The following PLOD3 variants were observed in gnomAD, a reference collection of about 807,000 sequenced individuals.
PLOD3 encodes the protein multifunctional procollagen lysine hydroxylase and glycosyltransferase LH3.
A neutral mutation model predicts 96.9 loss-of-function variants in PLOD3; 73 were observed. That is an observed-to-expected ratio of 0.75 (90% confidence interval 0.62 to 0.92). The LOEUF (loss-of-function observed/expected upper bound fraction) is 0.92. Among genes scored for constraint, PLOD3 ranks in the 40% least tolerant of loss-of-function variants. PLOD3 has a pLI of 0.00. For missense variants in PLOD3, 1,004 were observed against 1,004.3 expected, an observed-to-expected ratio of 1.00 and a Z score of 0.00; for synonymous variants, 454 against 413.7, an observed-to-expected ratio of 1.10 and a Z score of -1.18.
chr7:101,207,785 C>T, intron 16 of PLOD3, 61 bp from the exon 17 acceptor site: 2 of 1,589,260 alleles, frequency 1.3e-6, no homozygotes, highest in South Asian at 1.1e-5. Flanking sequence ...CACCCCAGGG[C>T]AGTCCAGCCT....
At position 101,211,921 on chromosome 7, in the gene PLOD3, T is replaced by G; in HGVS notation, c.1157A>C (p.Glu386Ala). The change falls in exon 11 of 19, where the codon GAG becomes GCG. Residue 386 changes from glutamate to alanine, a missense_variant. Physicochemically the swap from Glu to Ala is moderately radical, Grantham distance 107. This residue lies in a region of PLOD3 where 690 missense variants were observed against 650.2 expected (regional missense o/e 1.06). Transcript: ENST00000223127. ...MDLCRQDPEC[E>A]FYFSLDADAV... ...GTCGGCGTCCAGGCTGAAGTAGAAC[T>G]CACACTCGGGGTCCTGCCGACACAG... 6.2e-7 allele frequency: 1 copy of G among 1,609,686 alleles called. No homozygotes were observed.
At position 101,216,135 on chromosome 7, in the gene PLOD3, CCTCTGCCTTGGGCA is replaced by C. The variant is rs971756594; in HGVS notation, c.502+14_502+27del. The C allele has an allele frequency of 5.6e-6, 9 of 1,613,924 alleles. No individual in the cohort carries two copies. In the African/African-American group the frequency reaches 6.7e-5, roughly 12 times the overall value. ...ACTCTGTGTCCCACCGCTCTTGGCC[CCTCTGCCTTGGGCA>C]CTCTGCCACTCACCACCAGAATTGA... is the stretch of plus-strand genomic sequence containing the variant. On this transcript the variant is annotated intron_variant, in intron 4 of 18. Coordinates refer to ENST00000223127, the MANE Select transcript of PLOD3 (RefSeq NM_001084.5).
At position 101,206,423 on chromosome 7, in the gene PLOD3, C is replaced by T. The variant is rs371621231; in HGVS notation, c.2075G>A (p.Arg692His). ...GATCACACAGTCGTAGCGCAGGAAG[C>T]GGCAGCCACCTCCCTGGAAAGAGAA... is the stretch of plus-strand genomic sequence containing the variant. Reference protein sequence around the residue: ...KGLDYEGGGCRFLRYDCVISS... With the variant: ...KGLDYEGGGCHFLRYDCVISS... Residue 692 changes from arginine (R) to histidine (H), a missense_variant, in exon 19 of 19, where the codon CGC becomes CAC. By Grantham distance (29) the Arg-to-His change is conservative (BLOSUM62 0). Coordinates refer to ENST00000223127, the MANE Select transcript of PLOD3 (RefSeq NM_001084.5). 3.3e-5 allele frequency: 53 copies of T among 1,607,554 alleles called. No homozygotes were observed. Among genetic ancestry groups the T allele is most frequent in the Non-Finnish European group, 4.2e-5 (50 of 1,177,308 alleles).
chr7:101,215,052 C>G, intron 6 of PLOD3, 37 bp downstream of exon 6: 4 of 1,494,874 alleles, frequency 2.7e-6, no homozygotes, highest in Non-Finnish European at 2.8e-6. Context: ...GCTGCAGAGG[C>G]TGCGCATCGC....
chr7:101,208,747 CT>C (rs1481488020), intron 16 of PLOD3, 105 bp downstream of exon 16: 8 of 771,250 alleles, frequency 1.0e-5, no homozygotes, highest in Admixed American at 1.9e-5. Flanking sequence ...TGCCTCCCCC[CT>C]GGGAACCCCT....
rs973118117 is a variant in PLOD3 at position 101,212,552 on chromosome 7, A to G, written c.983T>C (p.Val328Ala). ...LLLLDYPPDR[V>A]TLFLHNNEVF... ...CACGTTGTTGTGCAGGAAAAGGGTG[A>G]CCCTGTCGGGGGGATAGTCCAGGAG... Residue 328 changes from valine to alanine, a missense_variant, in exon 9 of 19, where the codon GTC becomes GCC. Physicochemically the swap from Val to Ala is moderately conservative, Grantham distance 64 (BLOSUM62 0). Transcript: ENST00000223127. 14 of 1,612,872 alleles carry G rather than the reference A, an allele frequency of 8.7e-6. No individual in the cohort carries two copies. Among genetic ancestry groups the G allele is most frequent in the Non-Finnish European group, 5.1e-6 (6 of 1,179,676 alleles).
chr7:101,206,150 C>G lies in PLOD3; in HGVS notation c.*131G>C. 1 of 969,238 alleles carries G rather than the reference C, an allele frequency of 1.0e-6. No homozygotes were observed. 60.0% of individuals were successfully genotyped at this position (969,238 alleles called of 1,614,324 possible). On this transcript the variant is annotated 3_prime_UTR_variant, in exon 19 of 19. Transcript: ENST00000223127. ...TGTCTTGGGAGCAAGGTGACATATT[C>G]AGTTCAGGCACGCGGAACATGAACT...
intron 16 of PLOD3, 40 bp from the exon 17 acceptor site, chr7:101,207,764 A>T: frequency 6.2e-7 from 1 of 1,610,944 alleles, no homozygotes; most frequent in Non-Finnish European, 8.5e-7. Context: ...CCCTCCAGCC[A>T]TGGCGCTCCC....
Position 101,217,553 on chromosome 7 carries a change from C to T in PLOD3, c.-279G>A, listed in dbSNP as rs1798300259. 6.2e-6 allele frequency: 3 copies of T among 483,602 alleles called. No homozygotes were observed. The highest frequency in any genetic ancestry group is 1.1e-5 in the Non-Finnish European group (3 of 274,768). 30.0% of individuals were successfully genotyped at this position (483,602 alleles called of 1,614,324 possible). ...GGCCGGCGGGCGGGAGACAGGGACT[C>T]TGGGCTGAGCCAGCCGCTTGACACA... On this transcript the variant is annotated 5_prime_UTR_variant, in exon 1 of 19. Coordinates refer to ENST00000223127, the MANE Select transcript of PLOD3 (RefSeq NM_001084.5).
At position 101,217,348 on chromosome 7, in the gene PLOD3, G is replaced by A; in HGVS notation, c.-74C>T. On this transcript the variant is annotated 5_prime_UTR_variant, in exon 1 of 19. Coordinates refer to ENST00000223127, the MANE Select transcript of PLOD3 (RefSeq NM_001084.5). ...CGCGCCTGGATCCCAGCTCCGGAGGGGAGCTCTGGAAAGGGGGCGCTCGGG... is the reference window on the plus strand; with the variant it reads ...CGCGCCTGGATCCCAGCTCCGGAGGAGAGCTCTGGAAAGGGGGCGCTCGGG... 5.2e-6 allele frequency: 7 copies of A among 1,337,604 alleles called. No individual in the cohort carries two copies. Among genetic ancestry groups the A allele is most frequent in the East Asian group, 2.9e-5 (1 of 34,134 alleles). The allele number at this position is 1,337,604 out of a possible 1,614,324, so 82.9% of individuals were successfully genotyped here.
chr7:101,215,166 G>GATGCGATGGAGTGGTTAA lies in PLOD3; in HGVS notation c.616-32_616-15dup, dbSNP rs759452753. On this transcript the variant is annotated splice_polypyrimidine_tract_variant and intron_variant, in intron 5 of 18. Transcript: ENST00000223127. Reference sequence around the variant, plus strand: ...GCTGAGTTTCTCCTAAATGGAATGAGATGCGATGGAGTGGTTAAAATGGAA... The same window carrying GATGCGATGGAGTGGTTAA: ...GCTGAGTTTCTCCTAAATGGAATGAGATGCGATGGAGTGGTTAAATGCGATGGAGTGGTTAAAATGGAA... 1.9e-6 allele frequency: 3 copies of GATGCGATGGAGTGGTTAA among 1,578,920 alleles called. No homozygotes were observed. Among genetic ancestry groups the GATGCGATGGAGTGGTTAA allele is most frequent in the Non-Finnish European group, 2.6e-6 (3 of 1,147,820 alleles).
At chr7:101,215,301 C>A (rs903294220) in intron 5 of PLOD3, 149 bp from the exon 6 acceptor site, 1 of 722,726 alleles carries the variant, frequency 1.4e-6, no homozygotes, top group Non-Finnish European at 2.6e-6. Flanking sequence ...GCAACCTCTG[C>A]CTCCCGGTTT....
At chr7:101,216,382 C>T (rs371124314) in intron 3 of PLOD3, 28 bp downstream of exon 3, 2 of 1,613,020 alleles carry the variant, frequency 1.2e-6, no homozygotes, top group Non-Finnish European at 1.7e-6. Context: ...AGCATCCTTA[C>T]CCCGCTCCCT....
chr7:101,206,987 G>A, intron 17 of PLOD3, 83 bp from the exon 18 acceptor site: 2 of 1,460,092 alleles, frequency 1.4e-6, no homozygotes, highest in South Asian at 2.5e-5. Context: ...ATTCTTTTGA[G>A]ATAGTCTCGC....
chr7:101,208,824 G>A (rs1237434772), intron 16 of PLOD3, 29 bp downstream of exon 16: 14 of 1,392,824 alleles, frequency 1.0e-5, no homozygotes, highest in East Asian at 4.6e-5. Context: ...CTCTGGGAAG[G>A]CCTCTGCCCT....
intron 2 of PLOD3, 67 bp downstream of exon 2, chr7:101,216,628 G>A (rs1798280452): frequency 6.2e-7 from 1 of 1,608,320 alleles, no homozygotes; most frequent in Non-Finnish European, 8.5e-7. Context: ...GTGGGGACCT[G>A]GGCATCCAGA....
intron 16 of PLOD3, 164 bp downstream of exon 16, chr7:101,208,689 T>C: frequency 1.5e-6 from 1 of 648,508 alleles, no homozygotes; most frequent in African/African-American, 1.8e-5. Context: ...TGCCCAGCAG[T>C]AAATATTTCT....
intron 7 of PLOD3, 43 bp from the exon 8 acceptor site, chr7:101,212,986 G>T: frequency 2.0e-6 from 3 of 1,466,200 alleles, no homozygotes; most frequent in Non-Finnish European, 2.9e-6. Context: ...GGCCTCCAGG[G>T]GTGGAGGTGG....
intron 17 of PLOD3, 65 bp from the exon 18 acceptor site, chr7:101,206,969 T>G (rs965472986): frequency 1.9e-5 from 28 of 1,508,594 alleles, no homozygotes; most frequent in Non-Finnish European, 2.3e-5. Flanking sequence ...TTATTTTGTA[T>G]TATTATTATT....
Sources: allele counts gnomAD v4.1 joint callset, GRCh38; gene constraint gnomAD v4.1.1; regional missense constraint gnomAD v4.1.1; transcripts MANE v1.5; gene names NCBI Gene and HGNC (gene_info 2026-07-23, HGNC 2026-07-21).